Variants in MSN observed in about 807,000 individuals in gnomAD.
MSN encodes moesin.
MSN carries 2 observed loss-of-function variants against 48.0 expected under a neutral mutation model. That is an observed-to-expected ratio of 0.04 (90% CI 0.02 to 0.13). MSN has a LOEUF of 0.13. MSN is among the 10% of genes least tolerant of loss of function. MSN has a pLI of 1.00. For synonymous variants in MSN, 146 were observed against 166.9 expected, an observed-to-expected ratio of 0.87 and a Z score of 0.97; for missense variants, 267 against 470.1, an observed-to-expected ratio of 0.57 and a Z score of 3.99.
chrX:65,646,636 C>T (rs761473574), intron 1 of MSN, among the ~76,000 whole-genome samples: 5 of 111,931 alleles, frequency 4.5e-5, no homozygotes, highest in Non-Finnish European at 7.5e-5. Flanking sequence ...CTCATTATCC[C>T]GAGGATAACA....
intron 1 of MSN, 166 bp from the exon 2 acceptor site, chrX:65,716,652 G>A (rs1250485955): frequency 8.6e-6 from 4 of 463,461 alleles, no homozygotes; most frequent in Non-Finnish European, 1.5e-5. Flanking sequence ...TTGGGAGCAG[G>A]GGTTGTGTTT....
At position 65,740,909 on chromosome X, in the gene MSN, G is replaced by A. The variant is rs2071730574; in HGVS notation, c.*1016G>A. ...GTCTCTTCCCCTCTCAGAGCTACTT[G>A]GGCCATAGCTCCTGCTCCACAGCCA... On this transcript the variant is annotated 3_prime_UTR_variant, in exon 13 of 13. Coordinates refer to ENST00000360270, the MANE Select transcript of MSN (RefSeq NM_002444.3). 1 of 171,746 alleles carries A rather than the reference G, an allele frequency of 5.8e-6. No individual in the cohort carries two copies. Among genetic ancestry groups the A allele is most frequent in the Non-Finnish European group, 1.1e-5 (1 of 89,169 alleles). 14.2% of individuals were successfully genotyped at this position (171,746 alleles called of 1,213,427 possible). A position where few individuals can be genotyped will look rare whatever the true frequency, so the allele number is the denominator to read the frequency against.
chrX:65,678,117 G>C (rs1257760892), intron 1 of MSN, among the ~76,000 whole-genome samples: 1 of 111,453 alleles, frequency 9.0e-6, no homozygotes, highest in Non-Finnish European at 1.9e-5. Flanking sequence ...CTTTCCTGAT[G>C]ATTCCTACCA....
intron 1 of MSN, among the ~76,000 whole-genome samples, chrX:65,640,671 A>G (rs1268797066): frequency 8.9e-6 from 1 of 112,032 alleles, no homozygotes; most frequent in African/African-American, 3.2e-5. Context: ...ATCATATCTC[A>G]GTTTATCAGC....
chrX:65,699,100 G>A (rs1407594603), intron 1 of MSN, among the ~76,000 whole-genome samples: 3 of 111,928 alleles, frequency 2.7e-5, no homozygotes, highest in Admixed American at 9.5e-5. Context: ...CTACTTTTAC[G>A]TACTTCATAT....
intron 1 of MSN, among the ~76,000 whole-genome samples, chrX:65,694,962 T>C (rs1370609681): frequency 8.9e-6 from 1 of 111,774 alleles, no homozygotes; most frequent in African/African-American, 3.3e-5. Context: ...GGCAAAACAG[T>C]TTGTGAAATC....
rs1192532836 is a variant in MSN at position 65,609,807 on chromosome X, C to T, written c.-22+21195C>T. On this transcript the variant is annotated intron_variant, in intron 1 of 3. Coordinates refer to the MSN transcript ENST00000609672. ...TTGAGGCAGGAGAATCACTCGAACC[C>T]GGGAGGCAGAGGTTGCAATGAGCTG... Among the ~76,000 whole-genome samples the T allele has an allele frequency of 2.7e-5, 3 of 110,498 alleles. No homozygotes were observed. In the East Asian group the frequency reaches 8.6e-4, roughly 31 times the overall value.
chrX:65,720,908 T>C (rs1569466657), intron 2 of MSN, among the ~76,000 whole-genome samples: 1 of 112,287 alleles, frequency 8.9e-6, no homozygotes, highest in Non-Finnish European at 1.9e-5. Context: ...GTGAGTGTGC[T>C]ACAGCTAGAG....
chrX:65,644,431 G>A (rs942001965), intron 1 of MSN, among the ~76,000 whole-genome samples: 1 of 111,485 alleles, frequency 9.0e-6, no homozygotes, highest in African/African-American at 3.3e-5. Context: ...GCAGAGCTGG[G>A]GTTCAAACTT....
At chrX:65,675,203 A>G (rs1406706830) in intron 1 of MSN, among the ~76,000 whole-genome samples, 1 of 112,301 alleles carries the variant, frequency 8.9e-6, no homozygotes, top group East Asian at 2.8e-4. Context: ...GGGATGATAC[A>G]ACTGCTGCCT....
At chrX:65,604,429 C>A (rs752155070) in intron 1 of MSN, among the ~76,000 whole-genome samples, 28 of 111,778 alleles carry the variant, frequency 2.5e-4, no homozygotes, top group African/African-American at 8.8e-4. Flanking sequence ...CACAGGAAAC[C>A]ATGTCATCCC....
At chrX:65,722,611 G>A (rs2071529204) in intron 2 of MSN, among the ~76,000 whole-genome samples, 1 of 110,111 alleles carries the variant, frequency 9.1e-6, no homozygotes, top group Admixed American at 9.7e-5. Context: ...TAGAGATGGG[G>A]TCTCACCATG....
Position 65,653,323 on chromosome X carries a change from G to A in MSN, c.-21-63495G>A, listed in dbSNP as rs773882136. On this transcript the variant is annotated intron_variant, in intron 1 of 3. Coordinates refer to the MSN transcript ENST00000609672. ...TCCCCACTGAGACATAGCCACATAT[G>A]GGCTCACATCTTCATGTAAATACAT... Among the ~76,000 whole-genome samples, 10 of 111,453 alleles carry A rather than the reference G, an allele frequency of 9.0e-5. No homozygotes were observed. In the East Asian group the frequency reaches 2.3e-3, roughly 25 times the overall value.
intron 1 of MSN, among the ~76,000 whole-genome samples, chrX:65,670,899 TATATA>T (rs2070928637): frequency 0.015 from 9 of 587 alleles, no homozygotes; most frequent in South Asian, 0.036. Context: ...ATGACAGTTA[TATATA>T]TATATATATA....
At chrX:65,623,221 A>G (rs953558640) in intron 1 of MSN, among the ~76,000 whole-genome samples, 6 of 109,811 alleles carry the variant, frequency 5.5e-5, no homozygotes, top group Non-Finnish European at 9.5e-5. Context: ...TTTTTTTTTA[A>G]CATTGTATGC....
chrX:65,644,183 A>G (rs1300816365), intron 1 of MSN, among the ~76,000 whole-genome samples: 1 of 112,168 alleles, frequency 8.9e-6, no homozygotes. Flanking sequence ...GCCAGGCTGA[A>G]AAGGTCACAG....
intron 1 of MSN, among the ~76,000 whole-genome samples, chrX:65,600,351 C>T (rs955414001): frequency 9.0e-6 from 1 of 111,633 alleles, no homozygotes; most frequent in African/African-American, 3.3e-5. Context: ...GCGTCTGTAC[C>T]TTCCTCTGTG....
At chrX:65,731,815 A>AC in intron 5 of MSN, 23 bp from the exon 6 acceptor site, 3 of 1,196,920 alleles carry the variant, frequency 2.5e-6, no homozygotes, top group South Asian at 1.8e-5. Flanking sequence ...CCACTTTGTG[A>AC]CCCCCAACTC....
chrX:65,667,616 G>A, upstream of MSN: 14 of 964,662 alleles, frequency 1.5e-5, no homozygotes, highest in Non-Finnish European at 1.8e-5. Context: ...CGGCGCGGAA[G>A]CCGGGCCACA....
Sources: gnomAD v4.1 joint callset for allele counts (sites outside exome capture counted in the v4.1 genomes callset) on GRCh38, gnomAD v4.1.1 for gene constraint, MANE v1.5 for transcripts, NCBI Gene and HGNC (gene_info 2026-07-23, HGNC 2026-07-21) for gene names.